CDC42BPA: variants seen among roughly 807,000 people sequenced by gnomAD.
The protein encoded by CDC42BPA is CDC42 binding protein kinase alpha, also known as serine/threonine-protein kinase MRCK alpha.
Under a neutral mutation model 223.5 loss-of-function variants are expected in CDC42BPA, and 80 were observed. The observed-to-expected ratio is 0.36, with a 90% CI of 0.30 to 0.43. The LOEUF (loss-of-function observed/expected upper bound fraction) is 0.43, where lower values mean the gene tolerates loss of function less well. Among genes scored for constraint, CDC42BPA ranks in the 20% least tolerant of loss-of-function variants. CDC42BPA has a pLI of 1.00. For missense variants in CDC42BPA, 1,743 were observed against 2,099.9 expected, an observed-to-expected ratio of 0.83 and a Z score of 3.32; for synonymous variants, 694 against 718.6, an observed-to-expected ratio of 0.97 and a Z score of 0.55.
At chr1:227,304,827 G>C (rs185855918) in intron 1 of CDC42BPA, among the ~76,000 whole-genome samples, 2 of 152,146 alleles carry the variant, frequency 1.3e-5, no homozygotes, top group African/African-American at 4.8e-5. Flanking sequence ...AGGGATGATG[G>C]AACTGCTCTG....
At chr1:227,100,253 G>C (rs1572807689) in intron 15 of CDC42BPA, among the ~76,000 whole-genome samples, 1 of 152,034 alleles carries the variant, frequency 6.6e-6, no homozygotes, top group Non-Finnish European at 1.5e-5. Context: ...CTCATCTCTC[G>C]CAGCTGGATT....
intron 5 of CDC42BPA, among the ~76,000 whole-genome samples, chr1:227,166,999 C>T (rs147659810): frequency 5.3e-5 from 8 of 152,248 alleles, no homozygotes; most frequent in African/African-American, 1.4e-4. Flanking sequence ...AAGGTTCCAA[C>T]ATCTTGAAGA....
chr1:227,310,005 TG>T (rs1391568169), intron 1 of CDC42BPA, among the ~76,000 whole-genome samples: 1 of 152,220 alleles, frequency 6.6e-6, no homozygotes. Flanking sequence ...TATTCAGATT[TG>T]GATTCTCTCT....
intron 12 of CDC42BPA, among the ~76,000 whole-genome samples, chr1:227,115,396 C>CT (rs1419703688): frequency 6.6e-6 from 1 of 151,770 alleles, no homozygotes; most frequent in Non-Finnish European, 1.5e-5. Flanking sequence ...TTTGTGCCTT[C>CT]TATAAGAGAG....
At chr1:227,009,697 T>C (rs1233087777) in intron 34 of CDC42BPA, among the ~76,000 whole-genome samples, 1 of 152,188 alleles carries the variant, frequency 6.6e-6, no homozygotes, top group African/African-American at 2.4e-5. Context: ...ATTACATGTA[T>C]GAGCCATCAT....
intron 1 of CDC42BPA, among the ~76,000 whole-genome samples, chr1:227,312,641 C>A (rs957447149): frequency 6.6e-6 from 1 of 151,976 alleles, no homozygotes; most frequent in East Asian, 1.9e-4. Flanking sequence ...TCTCTTGAGC[C>A]CAGGAGTTCA....
At chr1:227,129,720 AG>A (rs1472171820) in intron 10 of CDC42BPA, among the ~76,000 whole-genome samples, 2 of 120,050 alleles carry the variant, frequency 1.7e-5, no homozygotes, top group African/African-American at 3.3e-5. Context: ...TATATACAAA[AG>A]AATCCACCTT....
At chr1:227,269,412 T>C (rs1400993373) in intron 1 of CDC42BPA, among the ~76,000 whole-genome samples, 4 of 152,152 alleles carry the variant, frequency 2.6e-5, no homozygotes, top group African/African-American at 9.7e-5. Flanking sequence ...TCTACAGTAA[T>C]ACTAGGAAAA....
chr1:227,275,759 C>T (rs1166364676), intron 1 of CDC42BPA, among the ~76,000 whole-genome samples: 3 of 152,162 alleles, frequency 2.0e-5, no homozygotes, highest in South Asian at 2.1e-4. Flanking sequence ...CGCGCCGCCA[C>T]GCCTGACTGG....
intron 17 of CDC42BPA, among the ~76,000 whole-genome samples, chr1:227,078,185 T>G (rs1427033017): frequency 6.6e-6 from 1 of 152,150 alleles, no homozygotes; most frequent in Non-Finnish European, 1.5e-5. Context: ...ACTCAGGGTT[T>G]TCAGAACACA....
At chr1:227,116,283 C>A (rs940848919) in intron 12 of CDC42BPA, among the ~76,000 whole-genome samples, 43 of 152,080 alleles carry the variant, frequency 2.8e-4, no homozygotes, top group African/African-American at 1.0e-3. Flanking sequence ...CGTAGTTCAC[C>A]ACACCAACTT....
chr1:227,050,574 G>T (rs1047761648), intron 22 of CDC42BPA, among the ~76,000 whole-genome samples: 4 of 152,138 alleles, frequency 2.6e-5, no homozygotes, highest in Admixed American at 1.3e-4. Context: ...CAGGAGAATG[G>T]ATAAGTAGTT....
rs143210466 is a variant in CDC42BPA, at chr1:227,003,359, C to T, written c.4975+1635G>A. ...GGGACTGCACTTACGCTGGCACACT[C>T]GATCGACACTCTCTCTGATCTCCAA... On this transcript the variant is annotated intron_variant, in intron 35 of 36. Transcript: ENST00000366766. Among the ~76,000 whole-genome samples the T allele has an allele frequency of 6.1e-3, 914 of 149,718 alleles. 11 individuals are homozygous for T. The highest frequency in any genetic ancestry group is 0.021 in the African/African-American group (860 of 40,672).
intron 6 of CDC42BPA, among the ~76,000 whole-genome samples, chr1:227,151,726 C>A (rs1355887431): frequency 3.3e-5 from 5 of 151,864 alleles, no homozygotes; most frequent in African/African-American, 1.2e-4. Flanking sequence ...ATGTTGAGCA[C>A]CTTTTCAAGT....
At chr1:227,279,817 GA>G (rs1402052315) in intron 1 of CDC42BPA, among the ~76,000 whole-genome samples, 2 of 152,158 alleles carry the variant, frequency 1.3e-5, no homozygotes, top group African/African-American at 2.4e-5. Flanking sequence ...AGCACTTTGG[GA>G]AGCCAAGGTG....
chr1:227,211,593 T>A (rs79798419), intron 3 of CDC42BPA, among the ~76,000 whole-genome samples: 14,940 of 152,154 alleles, frequency 0.098, 871 homozygotes, highest in Middle Eastern at 0.17. Flanking sequence ...TACACATAAA[T>A]AAATATATGA....
At chr1:227,301,423 G>A (rs4653491) in intron 1 of CDC42BPA, among the ~76,000 whole-genome samples, 56 of 151,350 alleles carry the variant, frequency 3.7e-4, no homozygotes, top group African/African-American at 1.1e-3. Flanking sequence ...GCGGTGGCGC[G>A]ATCTCGGCTT....
intron 1 of CDC42BPA, among the ~76,000 whole-genome samples, chr1:227,293,726 G>A (rs1311960655): frequency 6.6e-6 from 1 of 152,064 alleles, no homozygotes; most frequent in African/African-American, 2.4e-5. Context: ...CAGAAGAATC[G>A]CCTGAACCTG....
At chr1:227,101,753 T>C (rs948491910) in intron 14 of CDC42BPA, among the ~76,000 whole-genome samples, 7 of 151,874 alleles carry the variant, frequency 4.6e-5, no homozygotes, top group Non-Finnish European at 8.8e-5. Flanking sequence ...AGGTCTAAAC[T>C]AACATCTCCT....
Sources: gnomAD v4.1 joint callset for allele counts (sites outside exome capture counted in the v4.1 genomes callset) on GRCh38, gnomAD v4.1.1 for gene constraint, MANE v1.5 for transcripts, NCBI Gene and HGNC (gene_info 2026-07-23, HGNC 2026-07-21) for gene names.